The following DNMT1 variants were observed in gnomAD, a reference collection of about 807,000 sequenced individuals.
The protein encoded by DNMT1 is DNA methyltransferase 1, also known as DNA (cytosine-5)-methyltransferase 1.
A neutral mutation model predicts 205.3 loss-of-function variants in DNMT1; 24 were observed. That is an observed-to-expected ratio of 0.12 (90% CI 0.08 to 0.16). DNMT1 has a LOEUF of 0.16. DNMT1 is among the 10% of genes least tolerant of loss of function. The probability of loss-of-function intolerance (pLI) is 1.00; values close to 1 mark genes in which losing one functional copy is unlikely to be tolerated. For synonymous variants in DNMT1, 817 were observed against 839.8 expected (o/e 0.97, Z 0.47); for missense variants, 1,293 against 2,177.7 (o/e 0.59, Z 8.09).
intron 11 of DNMT1, among the ~76,000 whole-genome samples, 188 bp from the exon 12 acceptor site, chr19:10,163,548 C>T (rs1599376706): frequency 6.6e-6 from 1 of 152,110 alleles, no homozygotes; most frequent in African/African-American, 2.4e-5. Flanking sequence ...TCACTTAATT[C>T]CCCACCTGAA....
chr19:10,143,667 C>T (rs2089645521), intron 29 of DNMT1, 99 bp downstream of exon 29: 1 of 1,382,610 alleles, frequency 7.2e-7, no homozygotes, highest in Middle Eastern at 1.9e-4. Flanking sequence ...TTCAACCTAA[C>T]TCTTAGAACA....
chr19:10,136,961 C>T (rs1276641508), intron 37 of DNMT1, 124 bp downstream of exon 37: 1 of 1,335,510 alleles, frequency 7.5e-7, no homozygotes, highest in African/African-American at 1.5e-5. Context: ...CAGCTACCTT[C>T]TCTGGGACAC....
rs1375806732 is a variant in DNMT1 at position 10,177,293 on chromosome 19, C to T, written c.568G>A (p.Gly190Ser). The change falls in exon 6 of 41, where the codon GGC (glycine) becomes AGC (serine). Residue 190 changes from glycine to serine, a missense_variant and splice_region_variant. Physicochemically the swap from Gly to Ser is moderately conservative, Grantham distance 56. This residue lies in a region of DNMT1 where 394 missense variants were observed against 451.6 expected (regional missense o/e 0.87). Transcript: ENST00000359526. ...GCCGCCAATTTATCGTATACTGACCCCTTTGCAAAATGAGATGTGATGGTG... is the reference window on the plus strand; with the variant it reads ...GCCGCCAATTTATCGTATACTGACCTCTTTGCAAAATGAGATGTGATGGTG... Reference protein sequence around the residue: ...QTTITSHFAKGPAKRKPQEES... With the variant: ...QTTITSHFAKSPAKRKPQEES... 2 of 1,613,856 alleles carry T rather than the reference C, an allele frequency of 1.2e-6. No homozygotes were observed. Among genetic ancestry groups the T allele is most frequent in the Non-Finnish European group, 1.7e-6 (2 of 1,179,994 alleles).
rs995124773 is a variant in DNMT1, at chr19:10,156,664, C to A, written c.1281-155G>T. Among the ~76,000 whole-genome samples the A allele has an allele frequency of 1.2e-4, 19 of 152,152 alleles. No homozygotes were observed. The highest frequency in any genetic ancestry group is 4.1e-4 in the African/African-American group (17 of 41,432). The stretch of plus-strand genomic sequence containing the variant: ...ACAGAGTCTTGCTCTATCCCTCAGG[C>A]TGGAGCGCGATGGCATAATCTTGGC... On this transcript the variant is annotated intron_variant, in intron 17 of 40. Transcript: ENST00000359526. This position sits in a 1 kb window ranked among gnomAD's most constrained non-coding sequence, Gnocchi z 4.2.
At chr19:10,160,468 C>T in intron 13 of DNMT1, 50 bp from the exon 14 acceptor site, 5 of 1,595,478 alleles carry the variant, frequency 3.1e-6, no homozygotes, top group Non-Finnish European at 4.3e-6. Context: ...GTGTTTTACA[C>T]CCAGATAGTG....
intron 12 of DNMT1, 48 bp from the exon 13 acceptor site, chr19:10,162,796 C>A (rs749914530): frequency 6.3e-7 from 1 of 1,594,202 alleles, no homozygotes; most frequent in East Asian, 2.2e-5. Flanking sequence ...GAAACACTAA[C>A]CACATCGCCA....
chr19:10,185,843 GAAAAAAAA>G lies in DNMT1; in HGVS notation c.81-3774_81-3767del, dbSNP rs57377594. On this transcript the variant is annotated intron_variant, in intron 1 of 40. Coordinates refer to ENST00000359526, the MANE Select transcript of DNMT1 (RefSeq NM_001130823.3). ...AACAGAACAAGACCCTGTCTCAAAAGAAAAAAAAAAAAAAAAAAAGATGCTTTGACATC... is the reference window on the plus strand; with the variant it reads ...AACAGAACAAGACCCTGTCTCAAAAGAAAAAAAAAAAGATGCTTTGACATC... 8.3e-3 allele frequency among the ~76,000 whole-genome samples: 584 copies of G among 70,756 alleles called. 8 individuals are homozygous for G. Among genetic ancestry groups the G allele is most frequent in the African/African-American group, 0.027 (556 of 20,296 alleles). The allele number at this position is 70,756 out of a possible 152,430, so 46.4% of individuals were successfully genotyped here.
In DNMT1 at chr19:10,151,285, T is replaced by C. The variant is rs1401233430; in HGVS notation, c.2265+113A>G. 3.3e-6 allele frequency: 5 copies of C among 1,493,186 alleles called. No homozygotes were observed. The African/African-American group carries it at 5.5e-5, about 16-fold the overall frequency. The allele number at this position is 1,493,186 out of a possible 1,614,324, so 92.5% of individuals were successfully genotyped here. A position where few individuals can be genotyped will look rare whatever the true frequency, so the allele number is the denominator to read the frequency against. On this transcript the variant is annotated intron_variant, in intron 24 of 40. Transcript: ENST00000359526. The surrounding 1 kb of genome is among the most constrained non-coding windows in gnomAD (Gnocchi z 5.0). ...CTCTTCTCAGGGGCAAACAGACAGGTTTCTTAGTGCCGGGGCTCAGGCTGC... is the reference window on the plus strand; with the variant it reads ...CTCTTCTCAGGGGCAAACAGACAGGCTTCTTAGTGCCGGGGCTCAGGCTGC...
chr19:10,157,235 A>G (rs939634780), intron 17 of DNMT1, among the ~76,000 whole-genome samples: 1 of 152,032 alleles, frequency 6.6e-6, no homozygotes, highest in South Asian at 2.1e-4. Flanking sequence ...GCAACCACCA[A>G]TCTGCTTTCT....
intron 12 of DNMT1, 105 bp downstream of exon 12, chr19:10,163,221 C>T: frequency 7.7e-7 from 1 of 1,295,044 alleles, no homozygotes. Context: ...CCCACCTCAG[C>T]CTCCCAAAGT....
At chr19:10,136,756 TG>T (rs1236798390) in intron 37 of DNMT1, among the ~76,000 whole-genome samples, 59 of 145,064 alleles carry the variant, frequency 4.1e-4, no homozygotes, top group African/African-American at 1.5e-3. Flanking sequence ...ATTTATTTAT[TG>T]TTTTTTTTTT....
chr19:10,194,359 A>ACC (rs201354219), intron 1 of DNMT1, among the ~76,000 whole-genome samples: 3 of 151,194 alleles, frequency 2.0e-5, no homozygotes, highest in African/African-American at 7.3e-5. Flanking sequence ...GCACTGAGGG[A>ACC]CCCCCCACCA....
intron 1 of DNMT1, among the ~76,000 whole-genome samples, chr19:10,185,960 G>A (rs1172055347): frequency 6.6e-6 from 1 of 151,916 alleles, no homozygotes; most frequent in Non-Finnish European, 1.5e-5. Flanking sequence ...AGAGCCTTAA[G>A]TCAGGAGGGC....
At chr19:10,152,652 T>G (rs1297551809) in intron 22 of DNMT1, among the ~76,000 whole-genome samples, 1 of 151,918 alleles carries the variant, frequency 6.6e-6, no homozygotes, top group Non-Finnish European at 1.5e-5. Flanking sequence ...TCCCAGCTAC[T>G]TGGGAGGCTA....
chr19:10,141,371 T>C lies in DNMT1; in HGVS notation c.3310-182A>G, dbSNP rs78831211. Reference sequence around the variant, plus strand: ...TAGAAACTTAAAACAATCCATTTTATTAATACTAACATTTGATCTGGCTGA... The same window carrying C: ...TAGAAACTTAAAACAATCCATTTTACTAATACTAACATTTGATCTGGCTGA... On this transcript the variant is annotated intron_variant, in intron 30 of 40. Coordinates refer to ENST00000359526, the MANE Select transcript of DNMT1 (RefSeq NM_001130823.3). 5.9e-4 allele frequency: 378 copies of C among 641,806 alleles called. 4 individuals are homozygous for C. The East Asian group carries it at 8.8e-3, about 15-fold the overall frequency. The allele number at this position is 641,806 out of a possible 1,614,324, so 39.8% of individuals were successfully genotyped here.
rs921440715 is a variant in DNMT1 at position 10,133,840 on chromosome 19, C to T, written c.4865-139G>A. The T allele has an allele frequency of 1.5e-5, 15 of 969,736 alleles. No homozygotes were observed. In the African/African-American group the frequency reaches 2.4e-4, roughly 16 times the overall value. 60.1% of individuals were successfully genotyped at this position (969,736 alleles called of 1,614,324 possible). A position where few individuals can be genotyped will look rare whatever the true frequency, so the allele number is the denominator to read the frequency against. On this transcript the variant is annotated intron_variant, in intron 40 of 40. Transcript: ENST00000359526. The surrounding 1 kb of genome is among the most constrained non-coding windows in gnomAD (Gnocchi z 4.1). ...AGCTGACCCAATAAGTGGCAGAGTG[C>T]TAAGGGAACGTTCACGGAGACTGAA... is the stretch of plus-strand genomic sequence containing the variant.
chr19:10,149,129 G>C, intron 26 of DNMT1, 112 bp from the exon 27 acceptor site: 1 of 1,439,408 alleles, frequency 6.9e-7, no homozygotes, highest in Non-Finnish European at 9.5e-7. Flanking sequence ...TTCGAGACCA[G>C]CCTGGCCAAC....
chr19:10,165,174 G>A (rs1007206446), intron 11 of DNMT1, among the ~76,000 whole-genome samples: 4 of 152,070 alleles, frequency 2.6e-5, no homozygotes, highest in African/African-American at 9.7e-5. Flanking sequence ...GGGAGGCTGA[G>A]GCGGGAAGAT....
At chr19:10,150,726 T>C (rs2038322960) in intron 24 of DNMT1, among the ~76,000 whole-genome samples, 1 of 152,140 alleles carries the variant, frequency 6.6e-6, no homozygotes, top group African/African-American at 2.4e-5. Context: ...ACAGAACGGA[T>C]GGGAGGCCAT....
Sources: gnomAD v4.1 joint callset for allele counts (sites outside exome capture counted in the v4.1 genomes callset) on GRCh38, gnomAD v4.1.1 for gene constraint, gnomAD v4.1.1 regional missense constraint, Gnocchi (gnomAD v3.1) non-coding constraint, MANE v1.5 for transcripts, NCBI Gene and HGNC (gene_info 2026-07-23, HGNC 2026-07-21) for gene names.